Variants in GNAQ observed in about 807,000 individuals in gnomAD.
GNAQ encodes G protein subunit alpha q.
A neutral mutation model predicts 43.9 loss-of-function variants in GNAQ; 8 were observed. That is an observed-to-expected ratio of 0.18 (90% confidence interval 0.11 to 0.33). The LOEUF (loss-of-function observed/expected upper bound fraction) is 0.33. Ranked by LOEUF, GNAQ falls within the 10% of genes least tolerant of loss-of-function variation. The pLI is 1.00. For missense variants in GNAQ, 158 were observed against 450.8 expected (o/e 0.35, Z 5.88); for synonymous variants, 155 against 170.7 (o/e 0.91, Z 0.71).
At chr9:77,966,240 T>C (rs951872521) in intron 1 of GNAQ, among the ~76,000 whole-genome samples, 4 of 152,162 alleles carry the variant, frequency 2.6e-5, no homozygotes, top group Non-Finnish European at 4.4e-5. Flanking sequence ...GTTATCTTCA[T>C]GGTGGTGATG....
At chr9:77,875,643 G>A (rs954605367) in intron 2 of GNAQ, among the ~76,000 whole-genome samples, 25 of 152,150 alleles carry the variant, frequency 1.6e-4, no homozygotes, top group Admixed American at 8.5e-4. Flanking sequence ...TGAGTTGGTC[G>A]CCCTTTTCCT....
rs1355063025 is a variant in GNAQ, at chr9:77,876,322, C to A, written c.321+45839G>T. Among the ~76,000 whole-genome samples, 3 of 152,182 alleles carry A rather than the reference C, an allele frequency of 2.0e-5. No homozygotes were observed. The East Asian group carries it at 5.8e-4, about 29-fold the overall frequency. On this transcript the variant is annotated intron_variant, in intron 2 of 6. Coordinates refer to ENST00000286548, the MANE Select transcript of GNAQ (RefSeq NM_002072.5). ...CAGCTGATGGAGAATGAGGCCTTGT[C>A]AGCCAGGCCTCGGTTAACTTTCTAG...
chr9:77,886,452 T>C lies in GNAQ; in HGVS notation c.321+35709A>G, dbSNP rs528286786. Among the ~76,000 whole-genome samples the C allele has an allele frequency of 8.7e-5, 13 of 149,728 alleles. No homozygotes were observed. In the South Asian group the frequency reaches 2.6e-3, roughly 29 times the overall value. On this transcript the variant is annotated intron_variant, in intron 2 of 6. Coordinates refer to ENST00000286548, the MANE Select transcript of GNAQ (RefSeq NM_002072.5). ...GTTCCAACCATTTCTCCCCAGAAAG[T>C]GGGAGCATTATGAATTGCTACAGTT...
intron 1 of GNAQ, among the ~76,000 whole-genome samples, chr9:77,927,147 C>T (rs986137989): frequency 1.3e-5 from 2 of 152,192 alleles, no homozygotes; most frequent in Non-Finnish European, 2.9e-5. Context: ...AGGATTCCCA[C>T]ATACAAGTTC....
At chr9:77,945,340 T>TA (rs201487517) in intron 1 of GNAQ, among the ~76,000 whole-genome samples, 6 of 151,304 alleles carry the variant, frequency 4.0e-5, no homozygotes, top group Non-Finnish European at 7.4e-5. Context: ...ATAAGTAGTT[T>TA]AAAAAAAAAG....
chr9:77,945,784 C>G (rs1822882078), intron 1 of GNAQ, among the ~76,000 whole-genome samples: 1 of 152,122 alleles, frequency 6.6e-6, no homozygotes, highest in South Asian at 2.1e-4. Context: ...GTGAAGTTCC[C>G]TAAGAACATG....
chr9:77,933,002 C>G (rs932230996), intron 1 of GNAQ, among the ~76,000 whole-genome samples: 2 of 152,088 alleles, frequency 1.3e-5, no homozygotes, highest in African/African-American at 4.8e-5. Flanking sequence ...GATGGAGGCA[C>G]TAGATTCTTA....
intron 2 of GNAQ, among the ~76,000 whole-genome samples, chr9:77,869,091 T>C (rs1488784557): frequency 6.6e-6 from 1 of 152,200 alleles, no homozygotes; most frequent in Non-Finnish European, 1.5e-5. Context: ...GTTTCAACTG[T>C]CGCTCCACTG....
intron 2 of GNAQ, among the ~76,000 whole-genome samples, chr9:77,901,905 C>T (rs1367018000): frequency 2.0e-5 from 3 of 152,194 alleles, no homozygotes; most frequent in Non-Finnish European, 4.4e-5. Flanking sequence ...TGTGTCCTCA[C>T]TGAGTAGAAG....
intron 1 of GNAQ, among the ~76,000 whole-genome samples, chr9:77,958,002 T>C (rs186213241): frequency 1.3e-5 from 2 of 152,312 alleles, no homozygotes; most frequent in East Asian, 1.9e-4. Flanking sequence ...TATGGTCACC[T>C]TTACAAAGGT....
intron 2 of GNAQ, among the ~76,000 whole-genome samples, chr9:77,850,154 A>T (rs1478489282): frequency 6.6e-6 from 1 of 152,188 alleles, no homozygotes; most frequent in Non-Finnish European, 1.5e-5. Context: ...GCATGTCCCA[A>T]CACATCTCAA....
chr9:77,862,981 C>A (rs1373339083), intron 2 of GNAQ, among the ~76,000 whole-genome samples: 1 of 152,056 alleles, frequency 6.6e-6, no homozygotes, highest in Non-Finnish European at 1.5e-5. Context: ...GAGTTTGAGA[C>A]CAGCCTGACC....
At chr9:77,766,826 C>T (rs183161792) in intron 5 of GNAQ, among the ~76,000 whole-genome samples, 92 of 152,264 alleles carry the variant, frequency 6.0e-4, no homozygotes, top group African/African-American at 2.2e-3. Flanking sequence ...AGTGAATGCC[C>T]TTTGCTCTTG....
At chr9:77,974,732 A>T (rs759006900) in intron 1 of GNAQ, among the ~76,000 whole-genome samples, 10 of 152,212 alleles carry the variant, frequency 6.6e-5, no homozygotes, top group Non-Finnish European at 1.0e-4. Flanking sequence ...ACTCTCTGTA[A>T]TGAAAAAATA....
intron 2 of GNAQ, among the ~76,000 whole-genome samples, chr9:77,882,316 G>C (rs1363994198): frequency 6.6e-6 from 1 of 152,148 alleles, no homozygotes; most frequent in Non-Finnish European, 1.5e-5. Context: ...GAGAATTACT[G>C]TTCCAGATCT....
At chr9:77,751,815 CA>C (rs532527348) in intron 5 of GNAQ, among the ~76,000 whole-genome samples, 29 of 149,950 alleles carry the variant, frequency 1.9e-4, no homozygotes, top group Non-Finnish European at 2.9e-4. Flanking sequence ...AACAAACAAA[CA>C]AAAAAAACAA....
chr9:77,916,237 TG>T (rs751524027), intron 2 of GNAQ, among the ~76,000 whole-genome samples: 2 of 152,230 alleles, frequency 1.3e-5, no homozygotes, highest in Non-Finnish European at 2.9e-5. Context: ...CAGAGAACCT[TG>T]ACTGATAGAG....
intron 5 of GNAQ, among the ~76,000 whole-genome samples, chr9:77,736,639 C>T (rs1286446259): frequency 6.6e-6 from 1 of 152,016 alleles, no homozygotes; most frequent in Non-Finnish European, 1.5e-5. Flanking sequence ...ACATGTCAGG[C>T]CCTTGTAAAG....
intron 3 of GNAQ, among the ~76,000 whole-genome samples, chr9:77,802,498 T>C (rs893736189): frequency 2.0e-5 from 3 of 151,932 alleles, no homozygotes; most frequent in Non-Finnish European, 2.9e-5. Context: ...AAAAAAAAAA[T>C]TGGTGGAATA....
Sources: allele counts gnomAD v4.1 joint callset (sites outside exome capture counted in the v4.1 genomes callset), GRCh38; gene constraint gnomAD v4.1.1; transcripts MANE v1.5; gene names NCBI Gene and HGNC (gene_info 2026-07-23, HGNC 2026-07-21).